Variants in PIK3CA observed in about 807,000 individuals in gnomAD.
PIK3CA encodes phosphatidylinositol 4,5-bisphosphate 3-kinase catalytic subunit alpha isoform.
A neutral mutation model predicts 138.2 loss-of-function variants in PIK3CA; 27 were observed. The observed-to-expected ratio is 0.20, with a 90% CI of 0.14 to 0.27. The LOEUF (loss-of-function observed/expected upper bound fraction) is 0.27, where lower values mean the gene tolerates loss of function less well. PIK3CA is among the 10% of genes least tolerant of loss of function. The pLI is 1.00. For synonymous variants in PIK3CA, 358 were observed against 413.2 expected (o/e 0.87, Z 1.62); for missense variants, 544 against 1,277.4 (o/e 0.43, Z 8.75).
chr3:179,202,078 T>A (rs1251775265), intron 4 of PIK3CA, among the ~76,000 whole-genome samples: 1 of 152,178 alleles, frequency 6.6e-6, no homozygotes, highest in Non-Finnish European at 1.5e-5. Context: ...GTTTGTTTGT[T>A]TTTCGAGACA....
rs1724957657 is a variant in PIK3CA at position 179,221,177 on chromosome 3, G to A, written c.2187+20G>A. The A allele has an allele frequency of 1.3e-6, 2 of 1,598,476 alleles. No individual in the cohort carries two copies. The highest frequency in any genetic ancestry group is 2.2e-5 in the East Asian group (1 of 44,702). ...CAAAAGGTGTGTGACTCTAGTTTGT[G>A]TTTGAGACTCTTTTCACTGCAGTGG... On this transcript the variant is annotated intron_variant, in intron 14 of 20. Coordinates refer to ENST00000263967, the MANE Select transcript of PIK3CA (RefSeq NM_006218.4).
intron 9 of PIK3CA, among the ~76,000 whole-genome samples, chr3:179,211,891 T>C (rs1453292378): frequency 6.6e-6 from 1 of 152,170 alleles, no homozygotes; most frequent in African/African-American, 2.4e-5. Flanking sequence ...AGAAACGTCA[T>C]GACGTTACAA....
chr3:179,224,298 T>TAG, intron 15 of PIK3CA, 111 bp downstream of exon 15: 1 of 573,814 alleles, frequency 1.7e-6, no homozygotes, highest in East Asian at 2.8e-5. Context: ...AATTTATGCT[T>TAG]CTCTCTCTCA....
chr3:179,218,115 T>A, intron 9 of PIK3CA, 95 bp from the exon 10 acceptor site: 1 of 1,177,942 alleles, frequency 8.5e-7, no homozygotes, highest in South Asian at 2.5e-5. Flanking sequence ...TAAAATTTAT[T>A]GAAAATGTAT....
At chr3:179,156,045 G>A (rs1419840097) in intron 1 of PIK3CA, among the ~76,000 whole-genome samples, 5 of 152,028 alleles carry the variant, frequency 3.3e-5, no homozygotes, top group Non-Finnish European at 4.4e-5. Flanking sequence ...TTTATTTCAG[G>A]GAAGAGTAAG....
intron 9 of PIK3CA, among the ~76,000 whole-genome samples, chr3:179,213,394 A>T (rs532333246): frequency 7.8e-4 from 119 of 152,368 alleles, no homozygotes; most frequent in African/African-American, 2.6e-3. Context: ...TACATACTTT[A>T]AAAATATTGC....
intron 9 of PIK3CA, among the ~76,000 whole-genome samples, chr3:179,215,784 C>T (rs933829832): frequency 4.6e-5 from 7 of 152,144 alleles, no homozygotes; most frequent in Admixed American, 6.6e-5. Context: ...AGAATGATGA[C>T]AGATGAAAAC....
At chr3:179,198,421 G>C (rs1376179743) in intron 1 of PIK3CA, among the ~76,000 whole-genome samples, 1 of 152,116 alleles carries the variant, frequency 6.6e-6, no homozygotes, top group Admixed American at 6.6e-5. Context: ...GGGAATTTTG[G>C]GTTGAATTGC....
In PIK3CA at chr3:179,199,891, T is replaced by C; in HGVS notation, c.554T>C (p.Leu185Ser). ...PELPKHIYNK[L>S]DKGQIIVVIW... ...TTGCCAAAGCACATATATAATAAAT[T>C]AGATAAAGGTAAGAAAATGACTAAT... Residue 185 changes from leucine (L) to serine (S), a missense_variant, in exon 3 of 21, where the codon TTA (leucine) becomes TCA (serine). Transcript: ENST00000263967. 6.3e-7 allele frequency: 1 copy of C among 1,575,504 alleles called. No individual in the cohort carries two copies. The highest frequency in any genetic ancestry group is 1.7e-5 in the Admixed American group (1 of 59,916).
At chr3:179,224,892 A>T in intron 16 of PIK3CA, 71 bp downstream of exon 16, 1 of 1,071,024 alleles carries the variant, frequency 9.3e-7, no homozygotes, top group Non-Finnish European at 1.4e-6. Flanking sequence ...ATATTTATGA[A>T]CCATGAAAAC....
chr3:179,218,473 C>T (rs2108408911), intron 10 of PIK3CA, 139 bp downstream of exon 10: 1 of 616,688 alleles, frequency 1.6e-6, no homozygotes, highest in South Asian at 3.7e-5. Context: ...AAACTATAAA[C>T]ATTGCCTTTT....
At chr3:179,169,986 A>G (rs1723510459) in intron 1 of PIK3CA, among the ~76,000 whole-genome samples, 1 of 152,196 alleles carries the variant, frequency 6.6e-6, no homozygotes, top group Non-Finnish European at 1.5e-5. Flanking sequence ...TGTAACAGAC[A>G]TTAATTCTCT....
rs913733227 is a variant in PIK3CA, at chr3:179,235,632, T to A, written c.*1268T>A. On this transcript the variant is annotated 3_prime_UTR_variant, in exon 21 of 21. Transcript: ENST00000263967. Reference sequence around the variant, plus strand: ...ATTAACACAATTTAGACTATCTTCCTGATTCCTTAAACCCCTTTACTGAAG... The same window carrying A: ...ATTAACACAATTTAGACTATCTTCCAGATTCCTTAAACCCCTTTACTGAAG... The A allele has an allele frequency of 4.8e-6, 1 of 207,254 alleles. No individual in the cohort carries two copies. The highest frequency in any genetic ancestry group is 9.8e-6 in the Non-Finnish European group (1 of 101,570). The allele number at this position is 207,254 out of a possible 1,614,324, so 12.8% of individuals were successfully genotyped here.
chr3:179,158,575 T>G (rs1723196857), intron 1 of PIK3CA, among the ~76,000 whole-genome samples: 1 of 152,198 alleles, frequency 6.6e-6, no homozygotes, highest in Non-Finnish European at 1.5e-5. Flanking sequence ...TAAAGAAATC[T>G]CACGTCCTGT....
At chr3:179,205,493 G>C (rs959899527) in intron 6 of PIK3CA, among the ~76,000 whole-genome samples, 3 of 152,114 alleles carry the variant, frequency 2.0e-5, no homozygotes, top group African/African-American at 4.8e-5. Flanking sequence ...TCACATGAAG[G>C]AGAAGTAAGA....
intron 17 of PIK3CA, 126 bp downstream of exon 17, chr3:179,226,166 A>T: frequency 1.8e-6 from 1 of 557,538 alleles, no homozygotes; most frequent in South Asian, 2.2e-5. Context: ...TCAGTAGTTG[A>T]TTACACTATA....
At chr3:179,233,011 C>T (rs1383005569) in intron 20 of PIK3CA, among the ~76,000 whole-genome samples, 1 of 152,050 alleles carries the variant, frequency 6.6e-6, no homozygotes, top group Non-Finnish European at 1.5e-5. Context: ...GCATGCACCA[C>T]CATGCTCAGC....
intron 1 of PIK3CA, among the ~76,000 whole-genome samples, chr3:179,194,623 C>T (rs1208164727): frequency 3.9e-5 from 6 of 152,192 alleles, no homozygotes; most frequent in Admixed American, 6.5e-5. Context: ...TTGTCACATA[C>T]TCCACCTGTT....
chr3:179,158,345 G>A (rs1283361866), intron 1 of PIK3CA, among the ~76,000 whole-genome samples: 1 of 152,160 alleles, frequency 6.6e-6, no homozygotes, highest in Non-Finnish European at 1.5e-5. Flanking sequence ...GTAAGTGAAT[G>A]TACAATTTTC....
Sources: gnomAD v4.1 joint callset for allele counts (sites outside exome capture counted in the v4.1 genomes callset) on GRCh38, gnomAD v4.1.1 for gene constraint, MANE v1.5 for transcripts, NCBI Gene and HGNC (gene_info 2026-07-23, HGNC 2026-07-21) for gene names.